The following EFCAB6 variants were observed in gnomAD, a reference collection of about 807,000 sequenced individuals.
The protein encoded by EFCAB6 is EF-hand calcium binding domain 6.
A neutral mutation model predicts 169.8 loss-of-function variants in EFCAB6; 156 were observed. That is an observed-to-expected ratio of 0.92 (90% CI 0.81 to 1.05). The LOEUF is 1.05. Ranked by LOEUF, EFCAB6 falls within the 50% of genes least tolerant of loss-of-function variation. EFCAB6 has a pLI of 0.00. For missense variants in EFCAB6, 1,800 were observed against 1,829.1 expected (o/e 0.98, Z 0.29); for synonymous variants, 698 against 676.4 (o/e 1.03, Z -0.50).
At chr22:43,736,415 T>G (rs1486066833) in intron 6 of EFCAB6, among the ~76,000 whole-genome samples, 1 of 152,214 alleles carries the variant, frequency 6.6e-6, no homozygotes, top group Non-Finnish European at 1.5e-5. Flanking sequence ...ACTGTATATT[T>G]CAACCCCTCT....
At chr22:43,677,517 G>T (rs1317670350) in intron 13 of EFCAB6, among the ~76,000 whole-genome samples, 2 of 152,086 alleles carry the variant, frequency 1.3e-5, no homozygotes, top group Non-Finnish European at 1.5e-5. Flanking sequence ...GTAGCAGCAC[G>T]TGCCTGTAGT....
intron 17 of EFCAB6, among the ~76,000 whole-genome samples, chr22:43,635,623 C>T (rs1023594432): frequency 3.9e-5 from 6 of 152,156 alleles, no homozygotes; most frequent in African/African-American, 1.2e-4. Context: ...GGAGGGAAAA[C>T]TGAAGTTTTC....
chr22:43,686,451 T>C (rs1387477974), intron 11 of EFCAB6, among the ~76,000 whole-genome samples: 2 of 152,136 alleles, frequency 1.3e-5, no homozygotes, highest in African/African-American at 4.8e-5. Context: ...TTGCCAGATA[T>C]CTCCTGGGAG....
chr22:43,809,419 A>G (rs2063027904), intron 1 of EFCAB6, among the ~76,000 whole-genome samples: 1 of 152,160 alleles, frequency 6.6e-6, no homozygotes, highest in South Asian at 2.1e-4. Flanking sequence ...CTTACAAGTC[A>G]TCTCAAAGCC....
intron 23 of EFCAB6, among the ~76,000 whole-genome samples, chr22:43,598,143 C>T (rs1401416296): frequency 6.6e-6 from 1 of 151,600 alleles, no homozygotes; most frequent in African/African-American, 2.4e-5. Context: ...CCCATCTCTA[C>T]TAAAAATACA....
intron 10 of EFCAB6, among the ~76,000 whole-genome samples, chr22:43,707,781 G>A (rs1160192602): frequency 1.3e-5 from 2 of 152,092 alleles, no homozygotes; most frequent in African/African-American, 4.8e-5. Flanking sequence ...CCAGAAGAAA[G>A]GAGAGAGGTT....
chr22:43,763,277 G>T (rs1271691694), intron 5 of EFCAB6, among the ~76,000 whole-genome samples: 1 of 152,140 alleles, frequency 6.6e-6, no homozygotes, highest in African/African-American at 2.4e-5. Context: ...GACCTCAGGT[G>T]ATCTGCCCAC....
chr22:43,709,374 G>A (rs966850389), intron 10 of EFCAB6, among the ~76,000 whole-genome samples: 1 of 152,064 alleles, frequency 6.6e-6, no homozygotes. Context: ...GAACCACTGC[G>A]CCCGGCCTTA....
At chr22:43,586,142 T>C (rs1329259672) in intron 24 of EFCAB6, among the ~76,000 whole-genome samples, 1 of 151,790 alleles carries the variant, frequency 6.6e-6, no homozygotes, top group Non-Finnish European at 1.5e-5. Context: ...ATCAATGGAG[T>C]AATAATAACA....
chr22:43,696,204 G>A (rs1037794269), intron 10 of EFCAB6, among the ~76,000 whole-genome samples: 1 of 151,946 alleles, frequency 6.6e-6, no homozygotes, highest in African/African-American at 2.4e-5. Context: ...ATAAAAAGAG[G>A]ATCAATATCA....
chr22:43,552,148 G>C (rs1389540510), intron 27 of EFCAB6: 1 of 152,062 alleles, frequency 6.6e-6, no homozygotes, highest in Non-Finnish European at 1.5e-5. Flanking sequence ...CCTTTTTATG[G>C]CTGCATAGTA....
intron 29 of EFCAB6, chr22:43,536,444 C>T (rs552252343): frequency 2.6e-5 from 4 of 152,222 alleles, no homozygotes; most frequent in Non-Finnish European, 4.4e-5. Context: ...AAAACATTTT[C>T]CTTTAAAAGG....
At chr22:43,799,570 A>G (rs138134379) in intron 2 of EFCAB6, among the ~76,000 whole-genome samples, 84 of 152,316 alleles carry the variant, frequency 5.5e-4, no homozygotes, top group African/African-American at 2.0e-3. Flanking sequence ...GAGATGTTGG[A>G]AGTACACAGG....
At position 43,810,674 on chromosome 22, in the gene EFCAB6, G is replaced by C. The variant is rs533179179; in HGVS notation, c.-145+1494C>G. Among the ~76,000 whole-genome samples the C allele has an allele frequency of 4.6e-5, 7 of 152,308 alleles. No homozygotes were observed. The East Asian group carries it at 1.2e-3, about 25-fold the overall frequency. ...GGAAGAGGTAGATAGCTGGAACAGG[G>C]CAGTTTTTCCCTGGAGAGCGAAATT... On this transcript the variant is annotated intron_variant, in intron 1 of 31. Transcript: ENST00000262726.
At chr22:43,734,047 C>T (rs1415150532) in intron 7 of EFCAB6, among the ~76,000 whole-genome samples, 1 of 152,086 alleles carries the variant, frequency 6.6e-6, no homozygotes, top group Admixed American at 6.6e-5. Flanking sequence ...CTTGACAAGG[C>T]CCAGGAGCTA....
chr22:43,718,980 C>T (rs1334347515), intron 8 of EFCAB6, among the ~76,000 whole-genome samples: 2 of 152,168 alleles, frequency 1.3e-5, no homozygotes, highest in African/African-American at 4.8e-5. Flanking sequence ...CCCTCTTGGA[C>T]ACCTCATCCT....
Position 43,566,034 on chromosome 22 carries a change from A to G in EFCAB6, c.3420+10263T>C, listed in dbSNP as rs928752161. ...GTCAAAAAAAAAAAAAAGATAAAAC[A>G]TTAAAAAATCCAGATGAAAATAAAG... On this transcript the variant is annotated intron_variant, in intron 26 of 31. Transcript: ENST00000262726. 2.0e-5 allele frequency among the ~76,000 whole-genome samples: 3 copies of G among 151,798 alleles called. No individual in the cohort carries two copies. The East Asian group carries it at 5.8e-4, about 29-fold the overall frequency.
chr22:43,695,219 G>A (rs1309728534), intron 10 of EFCAB6, among the ~76,000 whole-genome samples: 2 of 151,484 alleles, frequency 1.3e-5, no homozygotes, highest in Admixed American at 6.6e-5. Context: ...ATAAATCGTT[G>A]GAAAATGAAA....
chr22:43,684,992 C>G (rs544670559), intron 11 of EFCAB6, among the ~76,000 whole-genome samples: 3 of 152,266 alleles, frequency 2.0e-5, no homozygotes, highest in Non-Finnish European at 4.4e-5. Flanking sequence ...ATCAAAATCT[C>G]TAAATTCTAA....
Sources: allele counts gnomAD v4.1 joint callset (sites outside exome capture counted in the v4.1 genomes callset), GRCh38; gene constraint gnomAD v4.1.1; transcripts MANE v1.5; gene names NCBI Gene and HGNC (gene_info 2026-07-23, HGNC 2026-07-21).